TMEM87A: variants seen among roughly 807,000 people sequenced by gnomAD.
TMEM87A encodes Golgi-pH regulating cation channel.
A neutral mutation model predicts 90.0 loss-of-function variants in TMEM87A; 50 were observed. The ratio of observed to expected loss-of-function variants is 0.56; its 90% CI spans 0.44 to 0.70. The LOEUF (loss-of-function observed/expected upper bound fraction) is 0.70, where lower values mean the gene tolerates loss of function less well. TMEM87A is among the 30% of genes least tolerant of loss of function. The probability of loss-of-function intolerance (pLI) is 0.00; values close to 1 mark genes in which losing one functional copy is unlikely to be tolerated. For missense variants in TMEM87A, 577 were observed against 660.5 expected (o/e 0.87, Z 1.39); for synonymous variants, 226 against 226.7 (o/e 1.00, Z 0.03).
intron 10 of TMEM87A, among the ~76,000 whole-genome samples, chr15:42,233,672 T>C (rs541246174): frequency 1.3e-5 from 2 of 152,338 alleles, no homozygotes; most frequent in Admixed American, 6.5e-5. Context: ...TCATATTCTC[T>C]TGATGCAAAT....
intron 2 of TMEM87A, among the ~76,000 whole-genome samples, chr15:42,269,582 C>T (rs2051471959): frequency 6.6e-6 from 1 of 152,068 alleles, no homozygotes; most frequent in South Asian, 2.1e-4. Flanking sequence ...GGAAATTTGG[C>T]AGCAAAAATA....
At chr15:42,236,091 GACTTGGAAGTATGGAATAT>G (rs2050764480) in intron 10 of TMEM87A, among the ~76,000 whole-genome samples, 1 of 152,132 alleles carries the variant, frequency 6.6e-6, no homozygotes, top group Admixed American at 6.5e-5. Flanking sequence ...AATACATTTG[GACTTGGAAGTATGGAATAT>G]ATTTGGAAGT....
At chr15:42,245,883 C>T (rs2050963592) in intron 6 of TMEM87A, among the ~76,000 whole-genome samples, 1 of 152,164 alleles carries the variant, frequency 6.6e-6, no homozygotes, top group Admixed American at 6.5e-5. Flanking sequence ...TAGGTATTAA[C>T]TCCTTTGTAA....
At chr15:42,262,188 G>GC (rs1205044653) in intron 4 of TMEM87A, 2 of 152,130 alleles carry the variant, frequency 1.3e-5, no homozygotes, top group Non-Finnish European at 2.9e-5. Flanking sequence ...GCAACCAGAT[G>GC]CATCAGGTAG....
intron 12 of TMEM87A, among the ~76,000 whole-genome samples, chr15:42,230,965 C>T (rs2050676283): frequency 6.6e-6 from 1 of 152,134 alleles, no homozygotes; most frequent in Middle Eastern, 3.4e-3. Context: ...TTATCTCGAG[C>T]TCGGTCCACA....
intron 15 of TMEM87A, among the ~76,000 whole-genome samples, chr15:42,225,625 G>A (rs1231383668): frequency 2.0e-5 from 3 of 152,068 alleles, no homozygotes; most frequent in African/African-American, 4.8e-5. Context: ...CTCTGTCTCC[G>A]GGTTCAAGCG....
At chr15:42,233,179 C>T (rs1410671738) in intron 11 of TMEM87A, 34 bp downstream of exon 11, 1 of 1,543,446 alleles carries the variant, frequency 6.5e-7, no homozygotes, top group East Asian at 2.2e-5. Context: ...TATAATTGAA[C>T]TGACCACAGA....
At chr15:42,212,929 T>G (rs969533380) in intron 19 of TMEM87A, among the ~76,000 whole-genome samples, 2 of 152,224 alleles carry the variant, frequency 1.3e-5, no homozygotes, top group African/African-American at 4.8e-5. Context: ...GATGACAGAA[T>G]AGGAAGCCCT....
chr15:42,225,306 G>C (rs961328032), intron 15 of TMEM87A, among the ~76,000 whole-genome samples: 2 of 151,890 alleles, frequency 1.3e-5, no homozygotes, highest in East Asian at 1.9e-4. Context: ...CAAATGGGGG[G>C]GGGGGGAAGG....
rs2050719286 is a variant in TMEM87A, at chr15:42,233,422, T to A, written c.969-116A>T. 8.7e-6 allele frequency: 6 copies of A among 687,284 alleles called. No individual in the cohort carries two copies. The East Asian group carries it at 1.6e-4, about 18-fold the overall frequency. 42.6% of individuals were successfully genotyped at this position (687,284 alleles called of 1,614,324 possible). A position where few individuals can be genotyped will look rare whatever the true frequency, so the allele number is the denominator to read the frequency against. Reference sequence around the variant, plus strand: ...CAACAATTTAAAGCAATAAATAATATACACTTGATTCACCTAAGAGAAAAA... The same window carrying A: ...CAACAATTTAAAGCAATAAATAATAAACACTTGATTCACCTAAGAGAAAAA... On this transcript the variant is annotated intron_variant, in intron 10 of 19. Transcript: ENST00000389834.
At chr15:42,269,029 C>T (rs1566943792) in intron 2 of TMEM87A, among the ~76,000 whole-genome samples, 2 of 151,776 alleles carry the variant, frequency 1.3e-5, no homozygotes, top group Admixed American at 6.5e-5. Flanking sequence ...TTTTCAAAGC[C>T]TACCTTAAAA....
chr15:42,232,693 A>T (rs1406834548), intron 11 of TMEM87A, among the ~76,000 whole-genome samples: 1 of 151,746 alleles, frequency 6.6e-6, no homozygotes, highest in Non-Finnish European at 1.5e-5. Context: ...CATGTTAGCC[A>T]GGATGGTCTT....
intron 14 of TMEM87A, among the ~76,000 whole-genome samples, chr15:42,227,219 A>G (rs1205166286): frequency 2.6e-5 from 4 of 152,198 alleles, no homozygotes; most frequent in Non-Finnish European, 5.9e-5. Context: ...TACCTTATAC[A>G]GTGTAAGAGA....
chr15:42,215,068 C>A (rs558188481), intron 19 of TMEM87A, among the ~76,000 whole-genome samples: 5 of 152,186 alleles, frequency 3.3e-5, no homozygotes, highest in Non-Finnish European at 5.9e-5. Flanking sequence ...CTACATACCT[C>A]GGCTATATGT....
chr15:42,272,918 G>A (rs1292326483), intron 1 of TMEM87A: 3 of 505,078 alleles, frequency 5.9e-6, no homozygotes, highest in African/African-American at 3.8e-5. Context: ...CGGGGACACT[G>A]GATTCTGTGA....
intron 6 of TMEM87A, among the ~76,000 whole-genome samples, chr15:42,255,292 C>A (rs1177910194): frequency 6.6e-6 from 1 of 152,080 alleles, no homozygotes; most frequent in Non-Finnish European, 1.5e-5. Flanking sequence ...TGCCACCATG[C>A]GCAGCTAATT....
chr15:42,252,461 T>C (rs2140965836), intron 6 of TMEM87A, among the ~76,000 whole-genome samples: 1 of 152,356 alleles, frequency 6.6e-6, no homozygotes, highest in Non-Finnish European at 1.5e-5. Context: ...TTCCTGCTTG[T>C]AGTTTGAGAT....
Position 42,219,615 on chromosome 15 carries a change from T to G in TMEM87A, c.1505A>C (p.Gln502Pro). The change falls in exon 17 of 20, where the codon CAA (glutamine) becomes CCA (proline). Residue 502 changes from glutamine to proline, a missense_variant. Gln to Pro is a moderately conservative substitution (Grantham distance 76, BLOSUM62 -1). Transcript: ENST00000389834. The stretch of plus-strand genomic sequence containing the variant: ...AACTTTACTATTTCCATTGGGTTCT[T>G]GTTTGGTACTTCTCATTTTCATTCC... ...FEGMKMRSTK[Q>P]EPNGNSKVNK... 1.2e-6 allele frequency: 2 copies of G among 1,600,968 alleles called. No individual in the cohort carries two copies. The highest frequency in any genetic ancestry group is 1.1e-5 in the South Asian group (1 of 88,730).
chr15:42,240,678 T>C (rs888327683), intron 7 of TMEM87A, among the ~76,000 whole-genome samples: 1 of 152,198 alleles, frequency 6.6e-6, no homozygotes, highest in African/African-American at 2.4e-5. Flanking sequence ...CTAGGCATAA[T>C]TAATAAATAA....
Sources: allele counts gnomAD v4.1 joint callset (sites outside exome capture counted in the v4.1 genomes callset), GRCh38; gene constraint gnomAD v4.1.1; transcripts MANE v1.5; gene names NCBI Gene and HGNC (gene_info 2026-07-23, HGNC 2026-07-21).